ARHGAP24: variants seen among roughly 807,000 people sequenced by gnomAD.
ARHGAP24 encodes the protein rho GTPase-activating protein 24.
A neutral mutation model predicts 76.4 loss-of-function variants in ARHGAP24; 50 were observed. The ratio of observed to expected loss-of-function variants is 0.65; its 90% confidence interval spans 0.52 to 0.83. The LOEUF is 0.83. Among genes scored for constraint, ARHGAP24 ranks in the 40% least tolerant of loss-of-function variants. The pLI is 0.00. For synonymous variants in ARHGAP24, 345 were observed against 323.3 expected, an observed-to-expected ratio of 1.07 and a Z score of -0.72; for missense variants, 930 against 914.2, an observed-to-expected ratio of 1.02 and a Z score of -0.22.
At chr4:85,858,972 A>G (rs1304646987) in intron 3 of ARHGAP24, among the ~76,000 whole-genome samples, 3 of 152,072 alleles carry the variant, frequency 2.0e-5, no homozygotes, top group African/African-American at 7.2e-5. Context: ...AACCTCAGGT[A>G]CATATAAAGC....
At chr4:85,816,369 C>G (rs1729238786) in intron 3 of ARHGAP24, among the ~76,000 whole-genome samples, 1 of 152,152 alleles carries the variant, frequency 6.6e-6, no homozygotes, top group Admixed American at 6.5e-5. Flanking sequence ...GAGTTTGATT[C>G]CACATATAAT....
chr4:85,816,159 A>G (rs1418450077), intron 3 of ARHGAP24, among the ~76,000 whole-genome samples: 1 of 152,204 alleles, frequency 6.6e-6, no homozygotes, highest in Non-Finnish European at 1.5e-5. Context: ...GCCGAACCAT[A>G]TCAGAACATT....
intron 3 of ARHGAP24, among the ~76,000 whole-genome samples, chr4:85,758,906 C>T (rs185566749): frequency 9.5e-4 from 144 of 152,292 alleles, no homozygotes; most frequent in Non-Finnish European, 8.1e-4. Context: ...TCAGAAGTTG[C>T]TATAGTTTTG....
At chr4:85,564,878 G>A (rs537194851) in intron 1 of ARHGAP24, among the ~76,000 whole-genome samples, 81 of 143,754 alleles carry the variant, frequency 5.6e-4, no homozygotes, top group Non-Finnish European at 1.1e-3. Context: ...GTACTGGTCT[G>A]TGGCCGAGGG....
At chr4:85,821,907 T>C (rs1729489849) in intron 3 of ARHGAP24, among the ~76,000 whole-genome samples, 1 of 152,206 alleles carries the variant, frequency 6.6e-6, no homozygotes, top group African/African-American at 2.4e-5. Flanking sequence ...AAAGCGAAGA[T>C]AAAACATATG....
intron 3 of ARHGAP24, among the ~76,000 whole-genome samples, chr4:85,732,034 A>G (rs1725430277): frequency 6.6e-6 from 1 of 152,214 alleles, no homozygotes; most frequent in Non-Finnish European, 1.5e-5. Context: ...GTTCTTTGTG[A>G]TATGGTTTTA....
intron 3 of ARHGAP24, among the ~76,000 whole-genome samples, chr4:85,859,697 G>A (rs1249952347): frequency 3.3e-5 from 5 of 152,060 alleles, no homozygotes; most frequent in Non-Finnish European, 4.4e-5. Context: ...TAGGTACATG[G>A]ACTATTTTTA....
chr4:85,846,789 T>G (rs1203257951), intron 3 of ARHGAP24, among the ~76,000 whole-genome samples: 3 of 152,224 alleles, frequency 2.0e-5, no homozygotes, highest in Non-Finnish European at 4.4e-5. Flanking sequence ...CACAGTTTGC[T>G]TTCTGACTTA....
At chr4:85,879,548 T>C (rs891714090) in intron 3 of ARHGAP24, among the ~76,000 whole-genome samples, 2 of 152,140 alleles carry the variant, frequency 1.3e-5, no homozygotes, top group Admixed American at 6.6e-5. Context: ...ACAGTATTTG[T>C]GCTAAGGATA....
chr4:85,497,801 C>A (rs72976485), intron 1 of ARHGAP24, among the ~76,000 whole-genome samples: 2,792 of 152,048 alleles, frequency 0.018, 88 homozygotes, highest in African/African-American at 0.063. Flanking sequence ...GTCTGGGTGA[C>A]AAGACCAAAA....
intron 4 of ARHGAP24, among the ~76,000 whole-genome samples, chr4:85,936,752 T>A (rs1469443648): frequency 6.6e-6 from 1 of 152,154 alleles, no homozygotes; most frequent in East Asian, 1.9e-4. Context: ...CAGTAAAGAC[T>A]TCACAGAAGA....
Position 86,001,008 on chromosome 4 carries a change from G to C in ARHGAP24, c.*286G>C. The C allele has an allele frequency of 2.0e-6, 1 of 506,174 alleles. No homozygotes were observed. The highest frequency in any genetic ancestry group is 1.9e-5 in the African/African-American group (1 of 52,446). The allele number at this position is 506,174 out of a possible 1,614,324, so 31.4% of individuals were successfully genotyped here. A position where few individuals can be genotyped will look rare whatever the true frequency, so the allele number is the denominator to read the frequency against. Reference sequence around the variant, plus strand: ...TATTTCAAGAATTATTTTATTGCAAGTCTTGTATTTAAATGTTAAATCAAT... The same window carrying C: ...TATTTCAAGAATTATTTTATTGCAACTCTTGTATTTAAATGTTAAATCAAT... On this transcript the variant is annotated 3_prime_UTR_variant, in exon 10 of 10. Coordinates refer to ENST00000395184, the MANE Select transcript of ARHGAP24 (RefSeq NM_001025616.3).
At chr4:85,757,010 C>A (rs1236653481) in intron 3 of ARHGAP24, among the ~76,000 whole-genome samples, 4 of 151,938 alleles carry the variant, frequency 2.6e-5, no homozygotes, top group African/African-American at 4.8e-5. Flanking sequence ...GTTTTCTGAC[C>A]AGAGTAGCAC....
intron 4 of ARHGAP24, among the ~76,000 whole-genome samples, chr4:85,940,187 C>G (rs889140074): frequency 9.9e-5 from 15 of 152,054 alleles, no homozygotes; most frequent in African/African-American, 3.6e-4. Flanking sequence ...GCTGAAGGAA[C>G]AGAAAACTGG....
intron 1 of ARHGAP24, among the ~76,000 whole-genome samples, chr4:85,518,528 C>T (rs1304730576): frequency 1.3e-5 from 2 of 151,968 alleles, no homozygotes; most frequent in Non-Finnish European, 2.9e-5. Context: ...TCCCATTCTT[C>T]CCCCCAAGTT....
intron 1 of ARHGAP24, among the ~76,000 whole-genome samples, chr4:85,504,647 C>T (rs187501775): frequency 1.2e-4 from 19 of 152,266 alleles, no homozygotes; most frequent in Non-Finnish European, 2.5e-4. Flanking sequence ...GAATACAGCA[C>T]ACTGATGGGT....
At chr4:85,927,599 G>A (rs1223172438) in intron 4 of ARHGAP24, among the ~76,000 whole-genome samples, 2 of 152,134 alleles carry the variant, frequency 1.3e-5, no homozygotes, top group Admixed American at 6.5e-5. Context: ...CCCAGGCCCT[G>A]TTAATACTAA....
At chr4:85,656,930 T>G (rs1030752868) in intron 2 of ARHGAP24, among the ~76,000 whole-genome samples, 1 of 147,968 alleles carries the variant, frequency 6.8e-6, no homozygotes, top group Non-Finnish European at 1.5e-5. Context: ...GAAACTATTC[T>G]TGGCTGGAGT....
At chr4:85,633,153 C>T (rs2110013893) in intron 2 of ARHGAP24, among the ~76,000 whole-genome samples, 1 of 151,964 alleles carries the variant, frequency 6.6e-6, no homozygotes, top group East Asian at 1.9e-4. Context: ...AACAGTTCAT[C>T]TGAATGGCTA....
Sources: allele counts gnomAD v4.1 joint callset (sites outside exome capture counted in the v4.1 genomes callset), GRCh38; gene constraint gnomAD v4.1.1; transcripts MANE v1.5; gene names NCBI Gene and HGNC (gene_info 2026-07-23, HGNC 2026-07-21).